Variants in TLN2 observed in about 807,000 individuals in gnomAD.
TLN2 encodes the protein talin-2.
TLN2 carries 118 observed loss-of-function variants against 294.7 expected under a neutral mutation model. That is an observed-to-expected ratio of 0.40 (90% CI 0.34 to 0.47). The LOEUF (loss-of-function observed/expected upper bound fraction) is 0.47. TLN2 is among the 20% of genes least tolerant of loss of function. The pLI, the probability that TLN2 is intolerant of heterozygous loss-of-function variation, is 0.84. For missense variants in TLN2, 3,083 were observed against 3,282.2 expected, an observed-to-expected ratio of 0.94 and a Z score of 1.48; for synonymous variants, 1,431 against 1,304.5, an observed-to-expected ratio of 1.10 and a Z score of -2.09.
At chr15:62,590,364 G>A (rs903254702) in intron 2 of TLN2, among the ~76,000 whole-genome samples, 1 of 151,980 alleles carries the variant, frequency 6.6e-6, no homozygotes, top group East Asian at 1.9e-4. Context: ...CTTCCCCATT[G>A]TTTCCGTGTG....
intron 21 of TLN2, among the ~76,000 whole-genome samples, chr15:62,711,159 T>A (rs1409500908): frequency 1.3e-5 from 2 of 152,220 alleles, no homozygotes; most frequent in Non-Finnish European, 2.9e-5. Context: ...CAGATGACCT[T>A]TGCTAGAGGA....
chr15:62,575,163 A>G (rs1355409592), intron 1 of TLN2, among the ~76,000 whole-genome samples: 2 of 152,162 alleles, frequency 1.3e-5, no homozygotes, highest in East Asian at 3.9e-4. Flanking sequence ...AAATTTAAAA[A>G]TTGGTCCAGA....
intron 32 of TLN2, among the ~76,000 whole-genome samples, chr15:62,746,202 A>G (rs1472517091): frequency 6.6e-6 from 1 of 152,210 alleles, no homozygotes; most frequent in African/African-American, 2.4e-5. Context: ...GAATTAAGCT[A>G]AATAGAAAGT....
rs78842111 is a variant in TLN2 at position 62,623,279 on chromosome 15, T to C, written c.-37+4804T>C. On this transcript the variant is annotated intron_variant, in intron 3 of 58. Transcript: ENST00000636159. The stretch of plus-strand genomic sequence containing the variant: ...ACTTTAGAATTATTCTTCAGATGAT[T>C]GTCTACGGCTAAGCATGAAGGGAAC... Among the ~76,000 whole-genome samples, 93 of 152,358 alleles carry C rather than the reference T, an allele frequency of 6.1e-4. No homozygotes were observed. The East Asian group carries it at 0.013, about 21-fold the overall frequency.
At chr15:62,545,370 G>A (rs2041933714) in intron 1 of TLN2, among the ~76,000 whole-genome samples, 3 of 152,178 alleles carry the variant, frequency 2.0e-5, no homozygotes, top group African/African-American at 2.4e-5. Context: ...GTCCACATTT[G>A]TCTGTTGAAG....
At chr15:62,626,847 TGAA>T (rs747947214) in intron 3 of TLN2, among the ~76,000 whole-genome samples, 10 of 152,230 alleles carry the variant, frequency 6.6e-5, no homozygotes, top group Non-Finnish European at 1.2e-4. Context: ...TGGATGAAAC[TGAA>T]GATGGCATAA....
intron 31 of TLN2, 52 bp from the exon 32 acceptor site, chr15:62,740,578 C>T: frequency 6.2e-7 from 1 of 1,608,240 alleles, no homozygotes; most frequent in Non-Finnish European, 8.5e-7. Flanking sequence ...CTGAATGCCT[C>T]CTTCAAGAAA....
At chr15:62,821,561 T>A (rs920370741) in intron 54 of TLN2, among the ~76,000 whole-genome samples, 50 of 152,322 alleles carry the variant, frequency 3.3e-4, no homozygotes, top group African/African-American at 1.2e-3. Flanking sequence ...GTGTAGTGTA[T>A]GAAATAAACA....
chr15:62,836,891 G>A (rs1183072846), intron 57 of TLN2, among the ~76,000 whole-genome samples: 1 of 152,300 alleles, frequency 6.6e-6, no homozygotes, highest in Middle Eastern at 3.4e-3. Flanking sequence ...TTTATCATAT[G>A]TAATTTTTCC....
chr15:62,719,726 C>T, intron 24 of TLN2, 41 bp from the exon 25 acceptor site: 1 of 1,487,294 alleles, frequency 6.7e-7, no homozygotes, highest in Non-Finnish European at 9.1e-7. Context: ...GATGGTCCCA[C>T]CATTCTAGCC....
chr15:62,610,022 A>G (rs1027994647), intron 2 of TLN2, among the ~76,000 whole-genome samples: 4 of 152,226 alleles, frequency 2.6e-5, no homozygotes, highest in African/African-American at 9.6e-5. Flanking sequence ...CTGGTATAAT[A>G]AGACCTACCA....
At chr15:62,796,825 C>T (rs575671409) in intron 47 of TLN2, among the ~76,000 whole-genome samples, 24 of 152,186 alleles carry the variant, frequency 1.6e-4, no homozygotes, top group Non-Finnish European at 2.9e-4. Flanking sequence ...CAAGCCCAGC[C>T]TCTGATCCTG....
intron 52 of TLN2, among the ~76,000 whole-genome samples, chr15:62,813,182 T>C (rs993498390): frequency 2.6e-5 from 4 of 152,230 alleles, no homozygotes; most frequent in Admixed American, 1.3e-4. Flanking sequence ...TTCAGTTGAT[T>C]GATTTTCTGT....
chr15:62,660,755 T>G (rs1469486284), intron 9 of TLN2, among the ~76,000 whole-genome samples: 1 of 152,218 alleles, frequency 6.6e-6, no homozygotes, highest in Admixed American at 6.5e-5. Flanking sequence ...AACTTGCAGA[T>G]GTGTTTTATT....
chr15:62,642,280 G>A (rs547509138), intron 3 of TLN2, among the ~76,000 whole-genome samples: 5 of 152,294 alleles, frequency 3.3e-5, no homozygotes, highest in South Asian at 2.1e-4. Context: ...TCGGGTAAAC[G>A]AAAAATGAAC....
intron 22 of TLN2, among the ~76,000 whole-genome samples, chr15:62,715,826 T>C (rs2059735125): frequency 6.6e-6 from 1 of 152,200 alleles, no homozygotes; most frequent in African/African-American, 2.4e-5. Flanking sequence ...GGAGTGTTTT[T>C]GAACGGCATT....
intron 1 of TLN2, among the ~76,000 whole-genome samples, chr15:62,543,817 A>G (rs1471129504): frequency 6.6e-6 from 1 of 152,066 alleles, no homozygotes; most frequent in African/African-American, 2.4e-5. Flanking sequence ...CAAATAGTTA[A>G]TGAATGAAAT....
rs139698396 is a variant in TLN2, at chr15:62,794,519, A to T, written c.5884-1608A>T. 1.2e-3 allele frequency among the ~76,000 whole-genome samples: 190 copies of T among 152,226 alleles called. 1 individual carries two copies. Among genetic ancestry groups the T allele is most frequent in the African/African-American group, 4.2e-3 (174 of 41,544 alleles). ...AAGAATGTCTCTCTCCCAGACACAT[A>T]TACAACCCTGCAGGCTTCCCGTGAT... is the stretch of plus-strand genomic sequence containing the variant. On this transcript the variant is annotated intron_variant, in intron 46 of 58. Transcript: ENST00000636159.
chr15:62,417,298 C>T (rs947170855), intron 1 of TLN2, among the ~76,000 whole-genome samples: 1 of 152,172 alleles, frequency 6.6e-6, no homozygotes, highest in Non-Finnish European at 1.5e-5. Flanking sequence ...CTTCTTTGCT[C>T]TCCAGTCAGA....
Sources: gnomAD v4.1 joint callset for allele counts (sites outside exome capture counted in the v4.1 genomes callset) on GRCh38, gnomAD v4.1.1 for gene constraint, MANE v1.5 for transcripts, NCBI Gene and HGNC (gene_info 2026-07-23, HGNC 2026-07-21) for gene names.